Variants in SLC35F1 observed in about 807,000 individuals in gnomAD.
The protein encoded by SLC35F1 is chromosome 6 open reading frame 169.
Under a neutral mutation model 48.7 loss-of-function variants are expected in SLC35F1, and 14 were observed. The observed-to-expected ratio is 0.29, with a 90% CI of 0.19 to 0.45. SLC35F1 has a LOEUF of 0.45. SLC35F1 is among the 20% of genes least tolerant of loss of function. SLC35F1 has a pLI of 1.00. For synonymous variants in SLC35F1, 190 were observed against 202.2 expected, an observed-to-expected ratio of 0.94 and a Z score of 0.51; for missense variants, 404 against 500.0, an observed-to-expected ratio of 0.81 and a Z score of 1.83.
chr6:118,015,577 T>C (rs1430096610), intron 1 of SLC35F1, among the ~76,000 whole-genome samples: 4 of 152,008 alleles, frequency 2.6e-5, no homozygotes. Flanking sequence ...TTAAGGATAA[T>C]GGCCTCCAGC....
intron 3 of SLC35F1, among the ~76,000 whole-genome samples, chr6:118,253,453 G>A (rs1582753580): frequency 6.6e-6 from 1 of 152,162 alleles, no homozygotes; most frequent in Non-Finnish European, 1.5e-5. Context: ...AATGGATGTT[G>A]ATAAGATGGA....
chr6:118,115,460 A>G (rs915792100), intron 1 of SLC35F1, among the ~76,000 whole-genome samples: 98 of 152,314 alleles, frequency 6.4e-4, no homozygotes, highest in African/African-American at 2.2e-3. Flanking sequence ...GAATAAAAAT[A>G]TGTGTTTTCT....
At chr6:118,155,140 A>G (rs575210516) in intron 2 of SLC35F1, among the ~76,000 whole-genome samples, 7 of 152,264 alleles carry the variant, frequency 4.6e-5, no homozygotes, top group Non-Finnish European at 1.0e-4. Flanking sequence ...TAAACTTGAA[A>G]TAATTAAAGA....
chr6:118,189,246 C>T (rs1774700640), intron 2 of SLC35F1, among the ~76,000 whole-genome samples: 1 of 152,138 alleles, frequency 6.6e-6, no homozygotes, highest in Non-Finnish European at 1.5e-5. Flanking sequence ...ACAAAGATTC[C>T]CTCTTCTCTA....
intron 1 of SLC35F1, among the ~76,000 whole-genome samples, chr6:117,928,901 T>A (rs1776063833): frequency 6.6e-6 from 1 of 152,132 alleles, no homozygotes; most frequent in Non-Finnish European, 1.5e-5. Context: ...AATTGATATT[T>A]ATAGTTTCTA....
rs190302531 is a variant in SLC35F1, at chr6:118,000,235, A to C, written c.173+92336A>C. ...GGCAAACGGAATCCAGCAGCACATC[A>C]AAAAGCTTATCTACCATGATCAAGG... On this transcript the variant is annotated intron_variant, in intron 1 of 7. Transcript: ENST00000360388. Among the ~76,000 whole-genome samples, 242 of 152,320 alleles carry C rather than the reference A, an allele frequency of 1.6e-3. 1 individual carries two copies. The highest frequency in any genetic ancestry group is 5.4e-3 in the African/African-American group (223 of 41,550).
At chr6:118,291,617 C>A (rs1403242612) in intron 7 of SLC35F1, among the ~76,000 whole-genome samples, 3 of 152,106 alleles carry the variant, frequency 2.0e-5, no homozygotes, top group Non-Finnish European at 4.4e-5. Context: ...CAAGTTAATG[C>A]CGCCGCTGCC....
intron 2 of SLC35F1, among the ~76,000 whole-genome samples, chr6:118,216,889 T>C (rs1449688534): frequency 6.6e-6 from 1 of 152,140 alleles, no homozygotes; most frequent in African/African-American, 2.4e-5. Context: ...AAGGCATGTG[T>C]CCCACCTTCA....
intron 4 of SLC35F1, among the ~76,000 whole-genome samples, chr6:118,274,435 C>T (rs1054416963): frequency 2.0e-5 from 3 of 152,100 alleles, no homozygotes; most frequent in African/African-American, 7.2e-5. Context: ...TGTCACGCTT[C>T]CCCCAGGCTG....
At chr6:118,072,034 A>G (rs998673807) in intron 1 of SLC35F1, among the ~76,000 whole-genome samples, 5 of 152,194 alleles carry the variant, frequency 3.3e-5, no homozygotes, top group African/African-American at 1.2e-4. Context: ...TCTGAAATTT[A>G]TATTATTCAG....
At chr6:118,236,648 T>A (rs1045499027) in intron 3 of SLC35F1, among the ~76,000 whole-genome samples, 1 of 152,232 alleles carries the variant, frequency 6.6e-6, no homozygotes, top group African/African-American at 2.4e-5. Context: ...AAGTAATTAA[T>A]GGTAGCATTT....
chr6:118,157,516 A>G (rs1254148596), intron 2 of SLC35F1, among the ~76,000 whole-genome samples: 3 of 152,196 alleles, frequency 2.0e-5, no homozygotes, highest in Non-Finnish European at 2.9e-5. Context: ...CAAGCTGAGG[A>G]GCAAGGAAGC....
intron 1 of SLC35F1, among the ~76,000 whole-genome samples, chr6:117,927,634 G>C (rs1776045770): frequency 6.6e-6 from 1 of 152,164 alleles, no homozygotes; most frequent in Non-Finnish European, 1.5e-5. Context: ...ACATCTTTTA[G>C]GGCAGGGACT....
At chr6:118,218,056 G>A (rs755353330) in intron 2 of SLC35F1, among the ~76,000 whole-genome samples, 25 of 152,240 alleles carry the variant, frequency 1.6e-4, no homozygotes, top group Admixed American at 3.3e-4. Flanking sequence ...AAAGTAGAAT[G>A]CAAGTCTTGG....
At chr6:118,030,110 G>A (rs9320627) in intron 1 of SLC35F1, among the ~76,000 whole-genome samples, 26,344 of 152,178 alleles carry the variant, frequency 0.17, 2,648 homozygotes, top group East Asian at 0.3. Flanking sequence ...TGAAGGAGGC[G>A]AGGAAGCAAA....
In SLC35F1 at chr6:118,148,070, G is replaced by C. The variant is rs17079788; in HGVS notation, c.174-6375G>C. Among the ~76,000 whole-genome samples, 665 of 152,238 alleles carry C rather than the reference G, an allele frequency of 4.4e-3. 6 individuals carry two copies. The highest frequency in any genetic ancestry group is 0.015 in the African/African-American group (618 of 41,544). ...CTTGTCAAAGAACATGGTAGAACAC[G>C]CTTCTCCCACTTTCAAGGGGTATTG... is the stretch of plus-strand genomic sequence containing the variant. On this transcript the variant is annotated intron_variant, in intron 1 of 7. Coordinates refer to ENST00000360388, the MANE Select transcript of SLC35F1 (RefSeq NM_001029858.4).
At chr6:118,300,155 C>T (rs1776239729) in intron 7 of SLC35F1, among the ~76,000 whole-genome samples, 1 of 152,096 alleles carries the variant, frequency 6.6e-6, no homozygotes, top group Admixed American at 6.5e-5. Flanking sequence ...CTGTACTGAA[C>T]CTTATACAGA....
chr6:118,057,690 T>C (rs910968736), intron 1 of SLC35F1, among the ~76,000 whole-genome samples: 1 of 152,204 alleles, frequency 6.6e-6, no homozygotes, highest in Non-Finnish European at 1.5e-5. Flanking sequence ...TCCTGATTTA[T>C]CAAAAGATTC....
At chr6:118,091,296 A>G (rs1044758809) in intron 1 of SLC35F1, among the ~76,000 whole-genome samples, 5 of 152,166 alleles carry the variant, frequency 3.3e-5, no homozygotes, top group Admixed American at 6.5e-5. Flanking sequence ...CACATCTTAA[A>G]TTGTAGTTCT....
Sources: gnomAD v4.1 joint callset for allele counts (sites outside exome capture counted in the v4.1 genomes callset) on GRCh38, gnomAD v4.1.1 for gene constraint, MANE v1.5 for transcripts, NCBI Gene and HGNC (gene_info 2026-07-23, HGNC 2026-07-21) for gene names.